GTF3C1: variants seen among roughly 807,000 people sequenced by gnomAD.
GTF3C1 encodes general transcription factor IIIC subunit 1, also known as general transcription factor 3C polypeptide 1.
In GTF3C1, 57 loss-of-function variants were observed where a neutral mutation model predicts 226.7. The ratio of observed to expected loss-of-function variants is 0.25; its 90% confidence interval spans 0.20 to 0.31. The LOEUF (loss-of-function observed/expected upper bound fraction) is 0.31, where lower values mean the gene tolerates loss of function less well. Among genes scored for constraint, GTF3C1 ranks in the 10% least tolerant of loss-of-function variants. GTF3C1 has a pLI of 1.00. For synonymous variants in GTF3C1, 1,090 were observed against 1,084.8 expected (o/e 1.00, Z -0.09); for missense variants, 2,217 against 2,776.1 (o/e 0.80, Z 4.53).
rs2087724666 is a variant in GTF3C1, at chr16:27,462,728, C to T, written c.5925-242G>A. 2 of 491,284 alleles carry T rather than the reference C, an allele frequency of 4.1e-6. No individual in the cohort carries two copies. Among genetic ancestry groups the T allele is most frequent in the African/African-American group, 3.8e-5 (2 of 52,392 alleles). The allele number at this position is 491,284 out of a possible 1,614,324, so 30.4% of individuals were successfully genotyped here. A position where few individuals can be genotyped will look rare whatever the true frequency, so the allele number is the denominator to read the frequency against. ...GCTCTGATGTAGCTGTAACTGAGGC[C>T]TCAGTGGGCCCACCCACATTGGCAG... On this transcript the variant is annotated intron_variant, in intron 35 of 36. Coordinates refer to ENST00000356183, the MANE Select transcript of GTF3C1 (RefSeq NM_001520.4). The surrounding 1 kb of genome is among the most constrained non-coding windows in gnomAD (Gnocchi z 4.5).
At chr16:27,488,506 T>C in intron 22 of GTF3C1, 48 bp downstream of exon 22, 1 of 1,572,540 alleles carries the variant, frequency 6.4e-7, no homozygotes, top group Non-Finnish European at 8.8e-7. Context: ...GTTTAGGCCC[T>C]GAACTGGTAC....
At chr16:27,494,391 ACT>A (rs1646426838) in intron 16 of GTF3C1, among the ~76,000 whole-genome samples, 1 of 147,070 alleles carries the variant, frequency 6.8e-6, no homozygotes, top group Non-Finnish European at 1.5e-5. Flanking sequence ...ACAGAGCAAG[ACT>A]CTGTCTCATA....
intron 29 of GTF3C1, among the ~76,000 whole-genome samples, chr16:27,472,399 T>C (rs756501029): frequency 6.6e-6 from 1 of 152,198 alleles, no homozygotes; most frequent in Non-Finnish European, 1.5e-5. Flanking sequence ...CCCAGCTGAC[T>C]GGTCTCCCTC....
At chr16:27,544,259 C>T (rs765907988) in intron 2 of GTF3C1, among the ~76,000 whole-genome samples, 2 of 151,814 alleles carry the variant, frequency 1.3e-5, no homozygotes, top group East Asian at 1.9e-4. Flanking sequence ...TGGTGGTATG[C>T]GCCTGTGGTC....
intron 24 of GTF3C1, among the ~76,000 whole-genome samples, chr16:27,484,557 GC>G (rs1304016434): frequency 3.3e-5 from 5 of 152,228 alleles, no homozygotes; most frequent in African/African-American, 9.6e-5. Context: ...ATAGGACGAG[GC>G]CTCAGTGACC....
In GTF3C1 at chr16:27,476,556, G is replaced by C. The variant is rs760940594; in HGVS notation, c.4260-12C>G. The C allele has an allele frequency of 6.6e-7, 1 of 1,512,024 alleles. No individual in the cohort carries two copies. Among genetic ancestry groups the C allele is most frequent in the Admixed American group, 1.7e-5 (1 of 59,500 alleles). 93.7% of individuals were successfully genotyped at this position (1,512,024 alleles called of 1,614,324 possible). A position where few individuals can be genotyped will look rare whatever the true frequency, so the allele number is the denominator to read the frequency against. ...GGATGTCATCCACGCTGAAAGAGAG[G>C]GGGCAGCAGGGCACCATGAGACCAC... On this transcript the variant is annotated splice_polypyrimidine_tract_variant and intron_variant, in intron 28 of 36. Transcript: ENST00000356183.
chr16:27,475,629 A>G (rs999944079), intron 29 of GTF3C1, among the ~76,000 whole-genome samples: 4 of 152,094 alleles, frequency 2.6e-5, no homozygotes, highest in Non-Finnish European at 5.9e-5. Context: ...CATTTGTATA[A>G]GAGTAGTAAG....
chr16:27,500,495 A>G (rs1203911515), intron 12 of GTF3C1, among the ~76,000 whole-genome samples: 4 of 152,244 alleles, frequency 2.6e-5, no homozygotes, highest in African/African-American at 9.6e-5. Flanking sequence ...AGAAAACAAA[A>G]TATCAATGCA....
chr16:27,525,163 G>GAAAGA (rs199615595), intron 6 of GTF3C1, among the ~76,000 whole-genome samples: 2 of 141,176 alleles, frequency 1.4e-5, no homozygotes, highest in Non-Finnish European at 3.0e-5. Flanking sequence ...AAAAAGAAAA[G>GAAAGA]AAAGAAAAGA....
In GTF3C1 at chr16:27,502,940, T is replaced by G. The variant is rs754248887; in HGVS notation, c.1826A>C (p.His609Pro). Residue 609 changes from histidine to proline, a missense_variant, in exon 11 of 37, where the codon CAC (histidine) becomes CCC (proline). By Grantham distance (77) the His-to-Pro change is moderately conservative. Coordinates refer to ENST00000356183, the MANE Select transcript of GTF3C1 (RefSeq NM_001520.4). ...GCGTTTCAGCAGTCGGTAAGTTTCGTGTGGTTTGTCTTGGCCTGAGCTGTG... is the reference window on the plus strand; with the variant it reads ...GCGTTTCAGCAGTCGGTAAGTTTCGGGTGGTTTGTCTTGGCCTGAGCTGTG... ...GRHSSGQDKP[H>P]ETYRLLKRRN... 6.2e-7 allele frequency: 1 copy of G among 1,613,594 alleles called. No homozygotes were observed.
rs2089030179 is a variant in GTF3C1, at chr16:27,538,213, T to TCC, written c.573_574dup (p.Glu192GlyfsTer26). 1 of 1,586,318 alleles carries TCC rather than the reference T, an allele frequency of 6.3e-7. No individual in the cohort carries two copies. The highest frequency in any genetic ancestry group is 1.4e-5 in the African/African-American group (1 of 73,090). ...AGTGGTGTGAAGGTCTCGCTGGAGC[T>TCC]CCCCTTGCCACCTGGACCGGCCTAG... On this transcript the variant is annotated frameshift_variant, in exon 3 of 37. Transcript: ENST00000356183. LOFTEE classifies it high-confidence loss of function.
intron 6 of GTF3C1, among the ~76,000 whole-genome samples, chr16:27,524,452 AGT>A: frequency 6.6e-6 from 1 of 152,350 alleles, no homozygotes; most frequent in East Asian, 1.9e-4. Context: ...TACCCTGGAA[AGT>A]GGGTACTATT....
intron 21 of GTF3C1, 36 bp downstream of exon 21, chr16:27,489,007 C>T: frequency 6.3e-7 from 1 of 1,599,484 alleles, no homozygotes; most frequent in Non-Finnish European, 8.6e-7. Flanking sequence ...GTAGCGAGGA[C>T]CCCTGAGATT....
intron 3 of GTF3C1, 53 bp from the exon 4 acceptor site, chr16:27,537,980 T>C (rs554722370): frequency 9.5e-5 from 149 of 1,576,188 alleles, no homozygotes; most frequent in South Asian, 8.8e-4. Flanking sequence ...TTTATCAATG[T>C]ATAGAGTCTC....
Position 27,461,213 on chromosome 16 carries a change from A to T in GTF3C1, c.*137T>A. On this transcript the variant is annotated 3_prime_UTR_variant, in exon 37 of 37. Transcript: ENST00000356183. The surrounding 1 kb of genome is among the most constrained non-coding windows in gnomAD (Gnocchi z 5.3). ...ACAGTGGGAAACGTGTCAGTCTGTG[A>T]CTCTGGCCAAAGCACCCGTCCCCTG... 1.6e-6 allele frequency: 1 copy of T among 615,468 alleles called. No individual in the cohort carries two copies. Among genetic ancestry groups the T allele is most frequent in the East Asian group, 2.7e-5 (1 of 36,672 alleles). 38.1% of individuals were successfully genotyped at this position (615,468 alleles called of 1,614,324 possible). A position where few individuals can be genotyped will look rare whatever the true frequency, so the allele number is the denominator to read the frequency against.
chr16:27,462,291 C>T lies in GTF3C1; in HGVS notation c.6117+3G>A, dbSNP rs1476235440. On this transcript the variant is annotated splice_donor_region_variant and intron_variant, in intron 36 of 36. Coordinates refer to ENST00000356183, the MANE Select transcript of GTF3C1 (RefSeq NM_001520.4). The surrounding 1 kb of genome is among the most constrained non-coding windows in gnomAD (Gnocchi z 4.5). Reference sequence around the variant, plus strand: ...CCCTGCTGAACCCAGGAAGGCCCCACACCTGGAGCAACTCCAGCACGGCGA... The same window carrying T: ...CCCTGCTGAACCCAGGAAGGCCCCATACCTGGAGCAACTCCAGCACGGCGA... 7 of 1,547,186 alleles carry T rather than the reference C, an allele frequency of 4.5e-6. No individual in the cohort carries two copies. The highest frequency in any genetic ancestry group is 5.2e-6 in the Non-Finnish European group (6 of 1,145,950).
chr16:27,506,285 G>A (rs994828927), intron 9 of GTF3C1, among the ~76,000 whole-genome samples, 169 bp from the exon 10 acceptor site: 3 of 152,110 alleles, frequency 2.0e-5, no homozygotes, highest in Non-Finnish European at 1.5e-5. Flanking sequence ...GCCTCTCATC[G>A]GCAGCAGGGT....
intron 19 of GTF3C1, among the ~76,000 whole-genome samples, chr16:27,490,549 G>A (rs901206935): frequency 2.0e-5 from 3 of 152,154 alleles, no homozygotes; most frequent in Non-Finnish European, 4.4e-5. Flanking sequence ...GGAGTTCTCA[G>A]CTTAGAAATA....
At chr16:27,496,315 A>G (rs2088315906) in intron 14 of GTF3C1, among the ~76,000 whole-genome samples, 3 of 152,192 alleles carry the variant, frequency 2.0e-5, no homozygotes, top group Admixed American at 2.0e-4. Context: ...CCTTTATAAT[A>G]AGAACGACCT....
Sources: gnomAD v4.1 joint callset for allele counts (sites outside exome capture counted in the v4.1 genomes callset) on GRCh38, gnomAD v4.1.1 for gene constraint, Gnocchi (gnomAD v3.1) non-coding constraint, MANE v1.5 for transcripts, NCBI Gene and HGNC (gene_info 2026-07-23, HGNC 2026-07-21) for gene names.